Variants in ING5 observed in about 807,000 individuals in gnomAD.
The protein encoded by ING5 is inhibitor of growth protein 5.
ING5 carries 17 observed loss-of-function variants against 37.4 expected under a neutral mutation model. That is an observed-to-expected ratio of 0.45 (90% CI 0.31 to 0.68). ING5 has a LOEUF of 0.68. ING5 is among the 30% of genes least tolerant of loss of function. ING5 has a pLI of 0.05. For synonymous variants in ING5, 123 were observed against 116.6 expected, an observed-to-expected ratio of 1.06 and a Z score of -0.36; for missense variants, 233 against 311.9, an observed-to-expected ratio of 0.75 and a Z score of 1.91.
At chr2:241,720,617 T>G (rs1430100010) in intron 5 of ING5, 7 of 985,840 alleles carry the variant, frequency 7.1e-6, no homozygotes, top group Non-Finnish European at 8.4e-6. Flanking sequence ...GCCAGCCCCC[T>G]GCTAGGAGCC....
intron 2 of ING5, among the ~76,000 whole-genome samples, chr2:241,708,862 C>T (rs754924129): frequency 8.6e-5 from 13 of 151,676 alleles, no homozygotes; most frequent in Admixed American, 2.6e-4. Flanking sequence ...ACTGCTCTAC[C>T]GGAAAAAAAG....
chr2:241,704,380 C>T (rs1405008342), intron 1 of ING5, among the ~76,000 whole-genome samples: 1 of 152,056 alleles, frequency 6.6e-6, no homozygotes, highest in Non-Finnish European at 1.5e-5. Context: ...CAAGCCTGGC[C>T]AACCTTGTGA....
At chr2:241,696,655 T>G (rs78347948) in intron 2 of ING5, among the ~76,000 whole-genome samples, 12,948 of 152,040 alleles carry the variant, frequency 0.085, 642 homozygotes, top group South Asian at 0.13. Context: ...GGTGTCATGG[T>G]GTGTGCTTGT....
At chr2:241,706,948 G>A (rs2069934589) in intron 2 of ING5, among the ~76,000 whole-genome samples, 1 of 146,498 alleles carries the variant, frequency 6.8e-6, no homozygotes, top group African/African-American at 2.5e-5. Flanking sequence ...ATGTGTTTTG[G>A]TGTGGCAATT....
At chr2:241,718,721 G>A (rs762253137) in intron 5 of ING5, among the ~76,000 whole-genome samples, 2 of 152,068 alleles carry the variant, frequency 1.3e-5, no homozygotes, top group Admixed American at 6.6e-5. Flanking sequence ...CCGGCCCTAA[G>A]TTAGTTTTAA....
At chr2:241,714,808 C>G (rs2124926602) in intron 5 of ING5, among the ~76,000 whole-genome samples, 1 of 152,142 alleles carries the variant, frequency 6.6e-6, no homozygotes, top group South Asian at 2.1e-4. Flanking sequence ...GTTGCCCAGG[C>G]TGGTCTCAAA....
rs1245028817 is a variant in ING5 at position 241,704,719 on chromosome 2, C to T, written c.104C>T (p.Thr35Met). The T allele has an allele frequency of 5.6e-6, 9 of 1,613,640 alleles. No homozygotes were observed. The highest frequency in any genetic ancestry group is 4.5e-5 in the East Asian group (2 of 44,874). Residue 35 changes from threonine (T) to methionine (M), a missense_variant, in exon 2 of 8, where the codon ACG becomes ATG. This residue lies in a region of ING5 where 93 missense variants were observed against 99.7 expected (regional missense o/e 0.93). Coordinates refer to ENST00000313552, the MANE Select transcript of ING5 (RefSeq NM_032329.6). ...FQLMRELDQR[T>M]EDKKAEIDIL... ...CTGATGCGAGAGCTGGACCAGAGGACGGAAGGTGGGTTCAGACCTCTCCAT... is the reference window on the plus strand; with the variant it reads ...CTGATGCGAGAGCTGGACCAGAGGATGGAAGGTGGGTTCAGACCTCTCCAT...
intron 2 of ING5, among the ~76,000 whole-genome samples, chr2:241,696,997 G>C (rs891656429): frequency 1.3e-5 from 2 of 152,104 alleles, no homozygotes; most frequent in Non-Finnish European, 2.9e-5. Context: ...CAGGAGAATC[G>C]CTTTAACCCA....
chr2:241,701,818 C>T (rs1455375120), upstream of ING5, among the ~76,000 whole-genome samples: 1 of 151,968 alleles, frequency 6.6e-6, no homozygotes. Context: ...GGAACCCCTG[C>T]TCCTCCTCGG....
chr2:241,718,073 C>T (rs902693888), intron 5 of ING5, among the ~76,000 whole-genome samples: 12 of 149,936 alleles, frequency 8.0e-5, no homozygotes, highest in East Asian at 4.1e-4. Flanking sequence ...AGTGCGGTGG[C>T]GCAATCTCCG....
chr2:241,704,630 G>C, intron 1 of ING5, 23 bp from the exon 2 acceptor site: 1 of 1,606,774 alleles, frequency 6.2e-7, no homozygotes. Flanking sequence ...GAGGTACATG[G>C]CTTCTGTGTT....
chr2:241,724,564 A>C, intron 7 of ING5: 1 of 197,116 alleles, frequency 5.1e-6, no homozygotes, highest in Non-Finnish European at 1.0e-5. Flanking sequence ...AGCACTTGTG[A>C]GACGGCAGCT....
At chr2:241,723,303 C>G in intron 7 of ING5, 32 bp downstream of exon 7, 1 of 1,608,198 alleles carries the variant, frequency 6.2e-7, no homozygotes, top group South Asian at 1.1e-5. Flanking sequence ...CTGTTTTCTC[C>G]CAGTCTGCTG....
intron 6 of ING5, 39 bp from the exon 7 acceptor site, chr2:241,723,171 T>A (rs573387064): frequency 6.2e-7 from 1 of 1,613,628 alleles, no homozygotes; most frequent in East Asian, 2.2e-5. Flanking sequence ...ATACAGAACA[T>A]GAGGCGTGTT....
At chr2:241,704,583 G>A (rs35512800) in intron 1 of ING5, 70 bp from the exon 2 acceptor site, 214,875 of 1,277,094 alleles carry the variant, frequency 0.17, 22,141 homozygotes, top group East Asian at 0.39. Context: ...AAAAAAGACA[G>A]AAAACCTTTG....
chr2:241,721,861 G>A (rs2070444466), intron 5 of ING5: 4 of 985,546 alleles, frequency 4.1e-6, no homozygotes, highest in Non-Finnish European at 4.8e-6. Flanking sequence ...GTCCTGGTGG[G>A]ACGGCCATGG....
At chr2:241,699,762 C>T (rs1230485737), upstream of ING5, among the ~76,000 whole-genome samples, 2 of 151,810 alleles carry the variant, frequency 1.3e-5, no homozygotes, top group Admixed American at 6.6e-5. Flanking sequence ...GCCTTTGGGA[C>T]GTCCTCTTGA....
At chr2:241,704,798 G>A (rs2069852516) in intron 2 of ING5, 74 bp downstream of exon 2, 3 of 1,312,896 alleles carry the variant, frequency 2.3e-6, no homozygotes, top group African/African-American at 2.9e-5. Flanking sequence ...GAAGGCTGGG[G>A]GCAGAGGGTT....
intron 2 of ING5, among the ~76,000 whole-genome samples, chr2:241,693,675 T>TTTG (rs2069590957): frequency 7.3e-6 from 1 of 137,632 alleles, no homozygotes; most frequent in Non-Finnish European, 1.6e-5. Flanking sequence ...TTTTTTTTTT[T>TTTG]GAGACTGAGT....
Sources: allele counts gnomAD v4.1 joint callset (sites outside exome capture counted in the v4.1 genomes callset), GRCh38; gene constraint gnomAD v4.1.1; regional missense constraint gnomAD v4.1.1; transcripts MANE v1.5; gene names NCBI Gene and HGNC (gene_info 2026-07-23, HGNC 2026-07-21).